The following COL3A1 variants were observed in gnomAD, a reference collection of about 807,000 sequenced individuals.
COL3A1 encodes collagen alpha-1(III) chain.
COL3A1 carries 46 observed loss-of-function variants against 200.9 expected under a neutral mutation model. The ratio of observed to expected loss-of-function variants is 0.23; its 90% CI spans 0.18 to 0.29. The LOEUF is 0.29. Among genes scored for constraint, COL3A1 ranks in the 10% least tolerant of loss-of-function variants. The pLI is 1.00. For synonymous variants in COL3A1, 650 were observed against 628.0 expected (o/e 1.03, Z -0.52); for missense variants, 1,367 against 1,917.6 (o/e 0.71, Z 5.36).
rs772734365 is a variant in COL3A1, at chr2:188,974,439, G to GATTTT, written c.-51_-50insATTTT. The GATTTT allele has an allele frequency of 2.7e-6, 4 of 1,456,330 alleles. No individual in the cohort carries two copies. The South Asian group carries it at 4.6e-5, about 17-fold the overall frequency. 90.2% of individuals were successfully genotyped at this position (1,456,330 alleles called of 1,614,324 possible). A position where few individuals can be genotyped will look rare whatever the true frequency, so the allele number is the denominator to read the frequency against. On this transcript the variant is annotated 5_prime_UTR_variant, in exon 1 of 51. The change creates a premature stop within an existing upstream ORF in the 5' untranslated region. Transcript: ENST00000304636. ...CAACTTGATGGTGCTACTTTGAACT[G>GATTTT]CTTTTCTTTTCTCCTTTTTGCACAA... is the stretch of plus-strand genomic sequence containing the variant.
chr2:189,009,366 A>C, intron 48 of COL3A1, 145 bp downstream of exon 48: 1 of 963,016 alleles, frequency 1.0e-6, no homozygotes, highest in Admixed American at 2.5e-5. Context: ...ACTGCTTGAT[A>C]TAAAAGAGTA....
At chr2:189,007,096 A>AAAATATATAT (rs1688603398) in intron 44 of COL3A1, 106 bp downstream of exon 44, 1 of 223,840 alleles carries the variant, frequency 4.5e-6, no homozygotes, top group South Asian at 3.6e-5. Flanking sequence ...AAAAAGAATG[A>AAAATATATAT]ATATATATAT....
In COL3A1 at chr2:188,985,725, C is replaced by A; in HGVS notation, c.394C>A (p.Pro132Thr). 1 of 1,611,678 alleles carries A rather than the reference C, an allele frequency of 6.2e-7. No individual in the cohort carries two copies. The highest frequency in any genetic ancestry group is 8.5e-7 in the Non-Finnish European group (1 of 1,178,898). The change falls in exon 4 of 51, where the codon CCT becomes ACT. Residue 132 changes from proline to threonine, a missense_variant. Physicochemically the swap from Pro to Thr is conservative, Grantham distance 38. Coordinates refer to ENST00000304636, the MANE Select transcript of COL3A1 (RefSeq NM_000090.4). ...TGGTATTCCAGGACAACCAGGGTCCCCTGGTTCTCCTGGCCCCCCTGGAAT... is the reference window on the plus strand; with the variant it reads ...TGGTATTCCAGGACAACCAGGGTCCACTGGTTCTCCTGGCCCCCCTGGAAT... ...DPGIPGQPGS[P>T]GSPGPPGICE...
At chr2:188,992,310 T>C in intron 14 of COL3A1, 82 bp downstream of exon 14, 1 of 1,200,508 alleles carries the variant, frequency 8.3e-7, no homozygotes, top group Non-Finnish European at 1.2e-6. Flanking sequence ...TATATATGTA[T>C]ATACTCTTAG....
At position 188,988,473 on chromosome 2, in the gene COL3A1, A is replaced by G. The variant is rs1043480253; in HGVS notation, c.583-117A>G. The G allele has an allele frequency of 2.6e-5, 19 of 744,652 alleles. No homozygotes were observed. The African/African-American group carries it at 3.4e-4, about 13-fold the overall frequency. The allele number at this position is 744,652 out of a possible 1,614,324, so 46.1% of individuals were successfully genotyped here. ...AAAATAATTTGGTCTCAATATTTAT[A>G]AACTGGAGTAAAATTTGCTGATTAC... On this transcript the variant is annotated intron_variant, in intron 6 of 50. Transcript: ENST00000304636.
intron 26 of COL3A1, 59 bp from the exon 27 acceptor site, chr2:188,997,641 T>C (rs1418305028): frequency 6.6e-7 from 1 of 1,525,854 alleles, no homozygotes. Context: ...TTGAAATGGA[T>C]ACTGTAGACT....
intron 21 of COL3A1, 48 bp from the exon 22 acceptor site, chr2:188,995,644 G>A: frequency 3.1e-6 from 4 of 1,285,602 alleles, no homozygotes; most frequent in Non-Finnish European, 4.4e-6. Context: ...TGCTATCTAG[G>A]TTAGTGAAGG....
Position 188,984,885 on chromosome 2 carries a change from G to C in COL3A1, c.205G>C (p.Asp69His), listed in dbSNP as rs112714742. Residue 69 changes from aspartate to histidine, a missense_variant, in exon 2 of 51, where the codon GAT (aspartate) becomes CAT (histidine). Transcript: ENST00000304636. Reference sequence around the variant, plus strand: ...TCTCTGCGATGACATAATATGTGACGATCAAGAATTAGACTGCCCCAACCC... The same window carrying C: ...TCTCTGCGATGACATAATATGTGACCATCAAGAATTAGACTGCCCCAACCC... The part of the protein sequence containing the change: ...SVLCDDIICD[D>H]QELDCPNPEI... 1 of 1,613,064 alleles carries C rather than the reference G, an allele frequency of 6.2e-7. No homozygotes were observed. The highest frequency in any genetic ancestry group is 8.5e-7 in the Non-Finnish European group (1 of 1,179,438).
intron 1 of COL3A1, among the ~76,000 whole-genome samples, chr2:188,984,167 T>C (rs1688015655): frequency 6.6e-6 from 1 of 152,050 alleles, no homozygotes; most frequent in African/African-American, 2.4e-5. Context: ...CAATATATTA[T>C]GTCATATCAT....
At chr2:189,004,884 C>A (rs536626086) in intron 40 of COL3A1, among the ~76,000 whole-genome samples, 1 of 152,166 alleles carries the variant, frequency 6.6e-6, no homozygotes, top group African/African-American at 2.4e-5. Flanking sequence ...ACTTTAAGTA[C>A]TTCTTTCAAC....
intron 4 of COL3A1, among the ~76,000 whole-genome samples, chr2:188,985,992 G>A (rs2153501520): frequency 6.6e-6 from 1 of 151,962 alleles, no homozygotes; most frequent in Admixed American, 6.6e-5. Context: ...TAATGTCATT[G>A]CTACTATATC....
intron 28 of COL3A1, 67 bp from the exon 29 acceptor site, chr2:188,998,607 A>G (rs1459508228): frequency 4.1e-6 from 6 of 1,452,146 alleles, no homozygotes; most frequent in Admixed American, 3.4e-5. Context: ...TTATATTTAC[A>G]TATTTGCTTA....
chr2:189,005,330 T>G lies in COL3A1; in HGVS notation c.2932-20T>G, dbSNP rs1380020416. ...ATTTCTTAAGTTGAAACAAAATGTT[T>G]TTCATTCCTTTGTATACAGGGTGAA... On this transcript the variant is annotated intron_variant, in intron 40 of 50. Coordinates refer to ENST00000304636, the MANE Select transcript of COL3A1 (RefSeq NM_000090.4). 2 of 1,600,404 alleles carry G rather than the reference T, an allele frequency of 1.2e-6. No homozygotes were observed. The highest frequency in any genetic ancestry group is 2.2e-5 in the South Asian group (2 of 90,810).
intron 4 of COL3A1, among the ~76,000 whole-genome samples, chr2:188,986,003 C>G (rs1318380780): frequency 6.6e-6 from 1 of 151,818 alleles, no homozygotes; most frequent in Non-Finnish European, 1.5e-5. Context: ...CTACTATATC[C>G]TTGGAAAATT....
intron 41 of COL3A1, among the ~76,000 whole-genome samples, 168 bp from the exon 42 acceptor site, chr2:189,006,038 T>C (rs1023391705): frequency 6.6e-6 from 1 of 152,192 alleles, no homozygotes. Flanking sequence ...TGTCTGGACA[T>C]TGTGACCCTT....
intron 14 of COL3A1, 45 bp from the exon 15 acceptor site, chr2:188,992,842 A>G: frequency 6.5e-7 from 1 of 1,535,360 alleles, no homozygotes; most frequent in Non-Finnish European, 9.0e-7. Flanking sequence ...GTCAGCTTTC[A>G]TTTAGTTGAA....
chr2:188,976,121 C>A (rs1193222224), intron 1 of COL3A1, among the ~76,000 whole-genome samples: 1 of 151,876 alleles, frequency 6.6e-6, no homozygotes, highest in African/African-American at 2.4e-5. Context: ...ACTCACAGTC[C>A]TTTTTTAGGA....
In COL3A1 at chr2:188,987,148, A is replaced by T. The variant is rs746532251; in HGVS notation, c.528+9A>T. ...GCTATCCTGGACCAGCTGTACGTAC[A>T]AATGTTTCTCAGCATTTTGGAGCTT... On this transcript the variant is annotated intron_variant, in intron 5 of 50. Coordinates refer to ENST00000304636, the MANE Select transcript of COL3A1 (RefSeq NM_000090.4). The T allele has an allele frequency of 8.1e-6, 13 of 1,607,636 alleles. No homozygotes were observed. The highest frequency in any genetic ancestry group is 1.3e-5 in the African/African-American group (1 of 74,926).
intron 48 of COL3A1, 100 bp from the exon 49 acceptor site, chr2:189,010,078 T>G: frequency 1.8e-6 from 2 of 1,096,994 alleles, no homozygotes; most frequent in Non-Finnish European, 2.8e-6. Flanking sequence ...TGCAGACACA[T>G]TAGCAGTCAA....
Sources: allele counts gnomAD v4.1 joint callset (sites outside exome capture counted in the v4.1 genomes callset), GRCh38; gene constraint gnomAD v4.1.1; transcripts MANE v1.5; gene names NCBI Gene and HGNC (gene_info 2026-07-23, HGNC 2026-07-21).